The following NDOR1 variants were observed in gnomAD, a reference collection of about 807,000 sequenced individuals.
NDOR1 encodes the protein NADPH-dependent diflavin oxidoreductase 1.
In NDOR1, 61 loss-of-function variants were observed where a neutral mutation model predicts 67.2. That is an observed-to-expected ratio of 0.91 (90% CI 0.74 to 1.12). NDOR1 has a LOEUF of 1.12. NDOR1 is among the 50% of genes most tolerant of loss of function. The pLI, the probability that NDOR1 is intolerant of heterozygous loss-of-function variation, is 0.00. For synonymous variants in NDOR1, 378 were observed against 343.7 expected, an observed-to-expected ratio of 1.10 and a Z score of -1.10; for missense variants, 878 against 802.8, an observed-to-expected ratio of 1.09 and a Z score of -1.13.
Position 137,215,506 on chromosome 9 carries a change from C to T in NDOR1, c.1273C>T (p.Leu425=). The T allele has an allele frequency of 6.2e-7, 1 of 1,613,354 alleles. No homozygotes were observed. Among genetic ancestry groups the T allele is most frequent in the Non-Finnish European group, 8.5e-7 (1 of 1,179,994 alleles). ...CCTCTGCTCCTCCTGGCTGGCATCC[C>T]TGGACCCTGGGCAAGGTGACCCCTG... is the stretch of plus-strand genomic sequence containing the variant. ...RGLCSSWLAS[L]DPGQGPVRVP... is the part of the protein sequence containing the mutation. Residue 425 remains leucine, a synonymous_variant, in exon 10 of 14, where the codon CTG becomes TTG. Coordinates refer to ENST00000684003, the MANE Select transcript of NDOR1 (RefSeq NM_014434.4).
intron 1 of NDOR1, 121 bp from the exon 2 acceptor site, chr9:137,206,111 G>A: frequency 6.8e-7 from 1 of 1,462,856 alleles, no homozygotes; most frequent in Non-Finnish European, 9.5e-7. Flanking sequence ...AAGACGGTCT[G>A]GCTGCTCACA....
chr9:137,214,894 T>TC lies in NDOR1; in HGVS notation c.942dup (p.Glu315ArgfsTer10). 1.2e-6 allele frequency: 2 copies of TC among 1,612,454 alleles called. No homozygotes were observed. Among genetic ancestry groups the TC allele is most frequent in the Non-Finnish European group, 1.7e-6 (2 of 1,180,018 alleles). On this transcript the variant is annotated frameshift_variant, in exon 8 of 14. Coordinates refer to ENST00000684003, the MANE Select transcript of NDOR1 (RefSeq NM_014434.4). LOFTEE classifies it high-confidence loss of function. Reference sequence around the variant, plus strand: ...GCCAGCGTGCCTCGCCGCTCCTTCTTCGAACTCCTGGCCTGTCTATCCCTC... The same window carrying TC: ...GCCAGCGTGCCTCGCCGCTCCTTCTTCCGAACTCCTGGCCTGTCTATCCCTC...
At position 137,206,261 on chromosome 9, in the gene NDOR1, A is replaced by G; in HGVS notation, c.165A>G (p.Ile55Met). ...ATCTGATTAACGAGCCCCTGGTGATATTTGTTTGTGCAACTACAGGCCAAG... is the reference window on the plus strand; with the variant it reads ...ATCTGATTAACGAGCCCCTGGTGATGTTTGTTTGTGCAACTACAGGCCAAG... ...VVNLINEPLV[I>M]FVCATTGQGD... The change falls in exon 2 of 14, where the codon ATA (isoleucine) becomes ATG (methionine). Residue 55 changes from isoleucine to methionine, a missense_variant. Transcript: ENST00000684003. 2.5e-6 allele frequency: 4 copies of G among 1,613,868 alleles called. No individual in the cohort carries two copies. The highest frequency in any genetic ancestry group is 3.4e-6 in the Non-Finnish European group (4 of 1,179,960).
At chr9:137,208,692 C>T (rs1488236124) in intron 2 of NDOR1, among the ~76,000 whole-genome samples, 7 of 151,904 alleles carry the variant, frequency 4.6e-5, no homozygotes, top group Admixed American at 1.3e-4. Flanking sequence ...GGTGCAGTGG[C>T]TCATGCCTGT....
intron 9 of NDOR1, 71 bp from the exon 10 acceptor site, chr9:137,215,336 G>A (rs1488080831): frequency 1.9e-6 from 3 of 1,559,458 alleles, no homozygotes; most frequent in African/African-American, 2.7e-5. Flanking sequence ...CGGGAGGTAG[G>A]TGGGGCCCAC....
In NDOR1 at chr9:137,215,143, C is replaced by T. The variant is rs1201026784; in HGVS notation, c.1114C>T (p.Leu372=). 1.2e-6 allele frequency: 2 copies of T among 1,613,736 alleles called. No individual in the cohort carries two copies. The highest frequency in any genetic ancestry group is 2.2e-5 in the East Asian group (1 of 44,880). ...HTAAAIPPDY[L]LDLIPVIRPR... is the part of the protein sequence containing the mutation. ...AGCTGCCGCCATCCCTCCCGACTAC[C>T]TGTTGGACCTCATCCCCGTTATCCG... Residue 372 remains leucine (L), a synonymous_variant, in exon 9 of 14, where the codon CTG becomes TTG. Coordinates refer to ENST00000684003, the MANE Select transcript of NDOR1 (RefSeq NM_014434.4).
Position 137,215,700 on chromosome 9 carries a change from G to A in NDOR1, c.1330G>A (p.Ala444Thr). ...CCTCTGGGTGCGGCCTGGGAGTCTGGCCTTCCCAGAGACACCAGACACACC... is the reference window on the plus strand; with the variant it reads ...CCTCTGGGTGCGGCCTGGGAGTCTGACCTTCCCAGAGACACCAGACACACC... The part of the protein sequence containing the change: ...VPLWVRPGSL[A>T]FPETPDTPVI... Residue 444 changes from alanine to threonine, a missense_variant, in exon 11 of 14, where the codon GCC (alanine) becomes ACC (threonine). Transcript: ENST00000684003. 1 of 1,592,198 alleles carries A rather than the reference G, an allele frequency of 6.3e-7. No individual in the cohort carries two copies.
chr9:137,206,201 A>C (rs1451299736), intron 1 of NDOR1, 31 bp from the exon 2 acceptor site: 1 of 1,613,042 alleles, frequency 6.2e-7, no homozygotes, highest in African/African-American at 1.3e-5. Context: ...TTACAGCCGG[A>C]GGTCTTACGT....
intron 3 of NDOR1, among the ~76,000 whole-genome samples, chr9:137,213,404 CAG>C (rs1307343169): frequency 2.0e-5 from 3 of 152,186 alleles, no homozygotes; most frequent in Non-Finnish European, 4.4e-5. Context: ...CTCCCCAGCA[CAG>C]AGTTTCTCAG....
intron 9 of NDOR1, 56 bp downstream of exon 9, chr9:137,215,258 G>T: frequency 6.4e-7 from 1 of 1,574,186 alleles, no homozygotes; most frequent in Non-Finnish European, 8.7e-7. Context: ...TGGGACCGGG[G>T]CTGTGGGGTT....
In NDOR1 at chr9:137,215,114, A is replaced by G; in HGVS notation, c.1085A>G (p.His362Arg). 6.2e-7 allele frequency: 1 copy of G among 1,613,778 alleles called. No homozygotes were observed. The highest frequency in any genetic ancestry group is 8.5e-7 in the Non-Finnish European group (1 of 1,179,978). The change falls in exon 9 of 14, where the codon CAC (histidine) becomes CGC (arginine). Residue 362 changes from histidine to arginine, a missense_variant. Coordinates refer to ENST00000684003, the MANE Select transcript of NDOR1 (RefSeq NM_014434.4). ...GCCTAGGTGCTCTGTGACTTCCCGC[A>G]CACAGCTGCCGCCATCCCTCCCGAC... ...TILEVLCDFP[H>R]TAAAIPPDYL...
Position 137,205,804 on chromosome 9 carries a change from C to G in NDOR1, c.27C>G (p.Leu9=), listed in dbSNP as rs1242221434. Reference sequence around the variant, plus strand: ...TGCCGAGCCCGCAGCTTCTGGTGCTCTTCGGCAGCCAGACAGGCACGGCTC... The same window carrying G: ...TGCCGAGCCCGCAGCTTCTGGTGCTGTTCGGCAGCCAGACAGGCACGGCTC... MPSPQLLV[L]FGSQTGTAQD... is the part of the protein sequence containing the mutation. The change falls in exon 1 of 14, where the codon CTC becomes CTG. Residue 9 remains leucine, a synonymous_variant. Coordinates refer to ENST00000684003, the MANE Select transcript of NDOR1 (RefSeq NM_014434.4). 21 of 1,605,050 alleles carry G rather than the reference C, an allele frequency of 1.3e-5. No individual in the cohort carries two copies. Among genetic ancestry groups the G allele is most frequent in the Non-Finnish European group, 1.6e-5 (19 of 1,179,680 alleles).
rs891101100 is a variant in NDOR1, at chr9:137,214,559, C to T, written c.723-11C>T. The T allele has an allele frequency of 6.2e-7, 1 of 1,611,248 alleles. No homozygotes were observed. The highest frequency in any genetic ancestry group is 8.5e-7 in the Non-Finnish European group (1 of 1,179,954). On this transcript the variant is annotated splice_polypyrimidine_tract_variant and intron_variant, in intron 6 of 13. Coordinates refer to ENST00000684003, the MANE Select transcript of NDOR1 (RefSeq NM_014434.4). ...GGCGTCCCCACAGCCCTGGTGGCTT[C>T]TTCCACACAGCTTTGCTGCTGGTGA...
chr9:137,213,635 C>G, intron 3 of NDOR1, 145 bp from the exon 4 acceptor site: 1 of 802,736 alleles, frequency 1.2e-6, no homozygotes, highest in Non-Finnish European at 2.0e-6. Context: ...TAGGGTGCGG[C>G]CAGCGTGGAG....
In NDOR1 at chr9:137,217,325, G is replaced by C. The variant is rs539785360; in HGVS notation, c.*909G>C. On this transcript the variant is annotated 3_prime_UTR_variant, in exon 14 of 14. Coordinates refer to ENST00000684003, the MANE Select transcript of NDOR1 (RefSeq NM_014434.4). Reference sequence around the variant, plus strand: ...GCTAAGATCTGATCGCCAGGACTGCGTTCTGGGCAGGTGCTGGGAAGGCGG... The same window carrying C: ...GCTAAGATCTGATCGCCAGGACTGCCTTCTGGGCAGGTGCTGGGAAGGCGG... 6.6e-6 allele frequency: 1 copy of C among 152,626 alleles called. No homozygotes were observed. The highest frequency in any genetic ancestry group is 1.5e-5 in the Non-Finnish European group (1 of 68,296). 9.5% of individuals were successfully genotyped at this position (152,626 alleles called of 1,614,324 possible). A position where few individuals can be genotyped will look rare whatever the true frequency, so the allele number is the denominator to read the frequency against.
chr9:137,216,117 C>T lies in NDOR1; in HGVS notation c.1578C>T (p.His526=), dbSNP rs921043482. 6.2e-7 allele frequency: 1 copy of T among 1,613,572 alleles called. No homozygotes were observed. Among genetic ancestry groups the T allele is most frequent in the Admixed American group, 1.7e-5 (1 of 60,032 alleles). The change falls in exon 13 of 14, where the codon CAC becomes CAT. Residue 526 remains histidine (H), a synonymous_variant. Transcript: ENST00000684003. ...AGGAGCAGAAAGTATATGTGCAGCA[C>T]CGGCTCCGGGAGCTGGGGTCGCTTG... ...REQEQKVYVQ[H]RLRELGSLVW...
At chr9:137,209,256 G>A (rs542671174) in intron 2 of NDOR1, among the ~76,000 whole-genome samples, 2 of 152,190 alleles carry the variant, frequency 1.3e-5, no homozygotes, top group Admixed American at 6.5e-5. Context: ...TATGGCAGGG[G>A]ATGTGCAGCG....
chr9:137,211,106 A>G (rs995934264), intron 2 of NDOR1, among the ~76,000 whole-genome samples: 1 of 152,224 alleles, frequency 6.6e-6, no homozygotes. Context: ...GCACCATTGC[A>G]CTCCAGCCTG....
chr9:137,212,591 A>G lies in NDOR1; in HGVS notation c.303A>G (p.Ser101=). ...CCGTCCTGGGCCTCGGGGACTCCTC[A>G]TACGCCAAGTGAGTAGGGGATGGGA... is the stretch of plus-strand genomic sequence containing the variant. ...DFAVLGLGDS[S]YAKFNFVAKK... The change falls in exon 3 of 14, where the codon TCA becomes TCG. Residue 101 remains serine (S), a synonymous_variant. Transcript: ENST00000684003. The surrounding 1 kb of genome is among the most constrained non-coding windows in gnomAD (Gnocchi z 4.3). 2.5e-6 allele frequency: 4 copies of G among 1,613,334 alleles called. No individual in the cohort carries two copies. Among genetic ancestry groups the G allele is most frequent in the Non-Finnish European group, 3.4e-6 (4 of 1,179,382 alleles).
Sources: allele counts gnomAD v4.1 joint callset (sites outside exome capture counted in the v4.1 genomes callset), GRCh38; gene constraint gnomAD v4.1.1; non-coding constraint Gnocchi (gnomAD v3.1); transcripts MANE v1.5; gene names NCBI Gene and HGNC (gene_info 2026-07-23, HGNC 2026-07-21).